SH3KBP1: variants seen among roughly 807,000 people sequenced by gnomAD.
The protein encoded by SH3KBP1 is SH3 domain containing kinase binding protein 1.
A neutral mutation model predicts 50.1 loss-of-function variants in SH3KBP1; 8 were observed. The observed-to-expected ratio is 0.16, with a 90% CI of 0.09 to 0.29. The LOEUF is 0.29. Ranked by LOEUF, SH3KBP1 falls within the 10% of genes least tolerant of loss-of-function variation. SH3KBP1 has a pLI of 1.00. For missense variants in SH3KBP1, 377 were observed against 535.2 expected, an observed-to-expected ratio of 0.70 and a Z score of 2.92; for synonymous variants, 227 against 218.6, an observed-to-expected ratio of 1.04 and a Z score of -0.34.
intron 2 of SH3KBP1, among the ~76,000 whole-genome samples, chrX:19,783,441 C>T (rs1394293178): frequency 9.0e-6 from 1 of 111,646 alleles, no homozygotes; most frequent in Non-Finnish European, 1.9e-5. Flanking sequence ...TGAAAATATA[C>T]AATAAACTGT....
At chrX:19,848,849 C>T (rs951534533) in intron 1 of SH3KBP1, among the ~76,000 whole-genome samples, 10 of 111,689 alleles carry the variant, frequency 9.0e-5, no homozygotes, top group Non-Finnish European at 1.9e-4. Context: ...TCATGGCTCA[C>T]TAGAGCCTGG....
intron 3 of SH3KBP1, among the ~76,000 whole-genome samples, chrX:19,740,399 C>T (rs2064733345): frequency 8.9e-6 from 1 of 112,216 alleles, no homozygotes; most frequent in Admixed American, 9.4e-5. Flanking sequence ...TATCTATCCC[C>T]ATTCACTGCC....
At chrX:19,541,864 A>G (rs2064914822) in intron 16 of SH3KBP1, 61 bp downstream of exon 16, 1 of 1,138,961 alleles carries the variant, frequency 8.8e-7, no homozygotes, top group South Asian at 2.1e-5. Flanking sequence ...TTTCAGAACT[A>G]GGTGCTGGCC....
rs1417070445 is a variant in SH3KBP1, at chrX:19,535,603, A to G, written c.*814T>C. On this transcript the variant is annotated 3_prime_UTR_variant, in exon 18 of 18. Transcript: ENST00000397821. ...CAGCTGGTACCACAGAGCACGCCCA[A>G]CTTCACAGCTGTCTCCTCTTAGGAC... is the stretch of plus-strand genomic sequence containing the variant. 1 of 111,690 alleles carries G rather than the reference A, an allele frequency of 9.0e-6. No individual in the cohort carries two copies. Among genetic ancestry groups the G allele is most frequent in the Non-Finnish European group, 1.9e-5 (1 of 53,158 alleles). The allele number at this position is 111,690 out of a possible 1,213,427, so 9.2% of individuals were successfully genotyped here.
chrX:19,713,253 AT>A (rs1481239341), intron 3 of SH3KBP1, among the ~76,000 whole-genome samples: 1 of 108,711 alleles, frequency 9.2e-6, no homozygotes, highest in Non-Finnish European at 1.9e-5. Flanking sequence ...AACTCATCTG[AT>A]TTTTTTCTTA....
chrX:19,756,891 C>T (rs2065223805), intron 2 of SH3KBP1, among the ~76,000 whole-genome samples: 1 of 105,051 alleles, frequency 9.5e-6, no homozygotes, highest in African/African-American at 3.5e-5. Context: ...AAAAAAAAAG[C>T]CTAACGTATG....
intron 6 of SH3KBP1, among the ~76,000 whole-genome samples, chrX:19,646,403 C>G (rs5909325): frequency 9.0e-6 from 1 of 111,230 alleles, no homozygotes; most frequent in African/African-American, 3.3e-5. Context: ...TCTGTTCCCA[C>G]TCTTCCCCTT....
chrX:19,564,758 T>C (rs2065788007), intron 13 of SH3KBP1, among the ~76,000 whole-genome samples: 1 of 112,167 alleles, frequency 8.9e-6, no homozygotes, highest in African/African-American at 3.2e-5. Flanking sequence ...CCTGTCCTCT[T>C]CCTGTTCCTA....
intron 12 of SH3KBP1, among the ~76,000 whole-genome samples, chrX:19,569,551 T>C (rs1463812420): frequency 8.9e-6 from 1 of 112,752 alleles, no homozygotes; most frequent in East Asian, 2.8e-4. Flanking sequence ...GCTTTCCTTT[T>C]AAGGAACAAG....
intron 2 of SH3KBP1, among the ~76,000 whole-genome samples, chrX:19,819,328 T>C (rs1174273646): frequency 1.8e-5 from 2 of 111,368 alleles, no homozygotes; most frequent in Admixed American, 9.6e-5. Flanking sequence ...ACCCATTTTA[T>C]TGATCTTTTT....
intron 8 of SH3KBP1, among the ~76,000 whole-genome samples, chrX:19,629,657 A>C (rs1288084974): frequency 9.2e-6 from 1 of 108,985 alleles, no homozygotes; most frequent in Non-Finnish European, 1.9e-5. Flanking sequence ...GGGTGGGAGC[A>C]GGGTGGGACT....
chrX:19,728,380 C>T (rs886862519), intron 3 of SH3KBP1, among the ~76,000 whole-genome samples: 3 of 111,971 alleles, frequency 2.7e-5, no homozygotes, highest in Admixed American at 1.9e-4. Context: ...GAGCTGAAGG[C>T]AAAGTGAATA....
intron 2 of SH3KBP1, among the ~76,000 whole-genome samples, chrX:19,807,258 C>T (rs1442029812): frequency 8.9e-6 from 1 of 112,034 alleles, no homozygotes; most frequent in Non-Finnish European, 1.9e-5. Context: ...GTAATTCTTA[C>T]ACATGTTTAA....
At chrX:19,629,144 T>G (rs1371963954) in intron 8 of SH3KBP1, among the ~76,000 whole-genome samples, 1 of 106,780 alleles carries the variant, frequency 9.4e-6, no homozygotes, top group East Asian at 2.9e-4. Context: ...AAAATAGCAA[T>G]GTGGGTAGGC....
intron 3 of SH3KBP1, among the ~76,000 whole-genome samples, chrX:19,709,598 C>G (rs891944691): frequency 8.9e-6 from 1 of 111,873 alleles, no homozygotes; most frequent in South Asian, 3.7e-4. Flanking sequence ...TCTCTGCAAT[C>G]TGTACTCAAC....
intron 6 of SH3KBP1, among the ~76,000 whole-genome samples, chrX:19,650,231 C>CT (rs1302843743): frequency 8.9e-6 from 1 of 112,128 alleles, no homozygotes; most frequent in African/African-American, 3.2e-5. Flanking sequence ...AAACACTCAC[C>CT]TTATTAGTCC....
chrX:19,650,444 A>G (rs1294650628), intron 6 of SH3KBP1, among the ~76,000 whole-genome samples: 4 of 111,629 alleles, frequency 3.6e-5, no homozygotes, highest in Non-Finnish European at 5.7e-5. Context: ...TAATAAAACC[A>G]TCAGATCTCA....
chrX:19,849,698 A>AC (rs1223626382), intron 1 of SH3KBP1, among the ~76,000 whole-genome samples: 3 of 109,060 alleles, frequency 2.8e-5, no homozygotes, highest in Admixed American at 2.0e-4. Flanking sequence ...AAAAAAAAAA[A>AC]AAAACAGACT....
chrX:19,690,405 A>G (rs1249169569), intron 5 of SH3KBP1, among the ~76,000 whole-genome samples: 1 of 111,261 alleles, frequency 9.0e-6, no homozygotes, highest in Non-Finnish European at 1.9e-5. Context: ...AATTATCAGA[A>G]CCTCAACTTT....
Sources: gnomAD v4.1 joint callset for allele counts (sites outside exome capture counted in the v4.1 genomes callset) on GRCh38, gnomAD v4.1.1 for gene constraint, MANE v1.5 for transcripts, NCBI Gene and HGNC (gene_info 2026-07-23, HGNC 2026-07-21) for gene names.